Variants in CACNA2D1 observed in about 807,000 individuals in gnomAD.
CACNA2D1 encodes the protein voltage-dependent calcium channel subunit alpha-2/delta-1.
A neutral mutation model predicts 171.5 loss-of-function variants in CACNA2D1; 53 were observed. The ratio of observed to expected loss-of-function variants is 0.31; its 90% confidence interval spans 0.25 to 0.39. CACNA2D1 has a LOEUF of 0.39. CACNA2D1 is among the 10% of genes least tolerant of loss of function. The probability of loss-of-function intolerance (pLI) is 1.00; values close to 1 mark genes in which losing one functional copy is unlikely to be tolerated. For missense variants in CACNA2D1, 903 were observed against 1,299.8 expected (o/e 0.69, Z 4.69); for synonymous variants, 442 against 443.1 (o/e 1.00, Z 0.03).
At chr7:82,054,992 A>G (rs745349326) in intron 10 of CACNA2D1, among the ~76,000 whole-genome samples, 1 of 152,232 alleles carries the variant, frequency 6.6e-6, no homozygotes, top group Admixed American at 6.5e-5. Context: ...TAAGAAAGCC[A>G]GAAAACCTGT....
chr7:82,062,535 G>A (rs1048147376), intron 9 of CACNA2D1, among the ~76,000 whole-genome samples: 1 of 147,860 alleles, frequency 6.8e-6, no homozygotes, highest in Non-Finnish European at 1.5e-5. Context: ...AATTATTTTT[G>A]TTATTTGTTA....
intron 3 of CACNA2D1, among the ~76,000 whole-genome samples, chr7:82,298,155 C>A (rs1812535362): frequency 6.6e-6 from 1 of 152,090 alleles, no homozygotes; most frequent in South Asian, 2.1e-4. Flanking sequence ...TTAAAATGCT[C>A]CAGTAGCAAA....
At chr7:82,064,542 TAAC>T (rs1322550794) in intron 8 of CACNA2D1, among the ~76,000 whole-genome samples, 188 bp from the exon 9 acceptor site, 1 of 152,120 alleles carries the variant, frequency 6.6e-6, no homozygotes, top group Non-Finnish European at 1.5e-5. Context: ...ATATCCAATA[TAAC>T]AATAGAGATG....
chr7:82,111,687 G>A (rs1368445213), intron 6 of CACNA2D1, among the ~76,000 whole-genome samples: 3 of 151,514 alleles, frequency 2.0e-5, no homozygotes, highest in African/African-American at 7.3e-5. Context: ...GGGCTCAATC[G>A]ATCCGCCCAC....
chr7:82,294,357 T>C (rs1425455706), intron 3 of CACNA2D1, among the ~76,000 whole-genome samples: 1 of 152,114 alleles, frequency 6.6e-6, no homozygotes, highest in Non-Finnish European at 1.5e-5. Flanking sequence ...AACTTGATAT[T>C]AGGCTCCTTT....
chr7:82,327,998 C>T (rs182929088), intron 3 of CACNA2D1, among the ~76,000 whole-genome samples: 371 of 152,220 alleles, frequency 2.4e-3, no homozygotes, highest in Non-Finnish European at 4.5e-3. Flanking sequence ...CCTGTTGGGT[C>T]CTATCTGAGA....
intron 2 of CACNA2D1, among the ~76,000 whole-genome samples, chr7:82,341,811 G>A (rs868607667): frequency 6.6e-6 from 1 of 151,896 alleles, no homozygotes; most frequent in African/African-American, 2.4e-5. Flanking sequence ...ACTTTGGGAG[G>A]CCGAGGTGGG....
In CACNA2D1 at chr7:82,206,173, G is replaced by A. The variant is rs1384093012; in HGVS notation, c.295-35564C>T. ...AATTAAATCCTGAACTATTATTTCT[G>A]AAATCAAATTTACAAGCTCAGTGTG... On this transcript the variant is annotated intron_variant, in intron 3 of 38. Coordinates refer to ENST00000356860, the MANE Select transcript of CACNA2D1 (RefSeq NM_000722.4). Among the ~76,000 whole-genome samples, 4 of 151,770 alleles carry A rather than the reference G, an allele frequency of 2.6e-5. No individual in the cohort carries two copies. In the East Asian group the frequency reaches 5.8e-4, roughly 22 times the overall value.
intron 10 of CACNA2D1, among the ~76,000 whole-genome samples, chr7:82,043,350 A>C (rs1584518530): frequency 6.6e-6 from 1 of 152,294 alleles, no homozygotes. Flanking sequence ...TGTTTTAAAA[A>C]TTATTTTAGT....
intron 4 of CACNA2D1, among the ~76,000 whole-genome samples, chr7:82,145,298 TA>T (rs1792864214): frequency 6.9e-6 from 1 of 144,868 alleles, no homozygotes; most frequent in African/African-American, 2.5e-5. Context: ...TAAAAATATA[TA>T]AATTATGTAA....
At chr7:82,260,065 T>C (rs990354360) in intron 3 of CACNA2D1, among the ~76,000 whole-genome samples, 6 of 151,934 alleles carry the variant, frequency 3.9e-5, no homozygotes, top group African/African-American at 1.2e-4. Flanking sequence ...CTACTAAAAA[T>C]ACACAAATTA....
intron 2 of CACNA2D1, among the ~76,000 whole-genome samples, chr7:82,341,848 C>T (rs1191132369): frequency 6.6e-6 from 1 of 151,378 alleles, no homozygotes; most frequent in African/African-American, 2.4e-5. Flanking sequence ...GAGATCCAGA[C>T]CATCCTGGCT....
intron 10 of CACNA2D1, among the ~76,000 whole-genome samples, chr7:82,049,126 T>TAAAAAA (rs10652736): frequency 7.2e-6 from 1 of 139,018 alleles, no homozygotes; most frequent in African/African-American, 2.6e-5. Context: ...TGGCAACTCA[T>TAAAAAA]AAAAAAAAAA....
chr7:82,111,453 T>A lies in CACNA2D1; in HGVS notation c.526+5591A>T, dbSNP rs1287562307. On this transcript the variant is annotated intron_variant, in intron 6 of 38. Transcript: ENST00000356860. ...GTATATATATATATATATTTTTTTT[T>A]TTTTTTTTTTTTGAGACAGGGTCTC... Among the ~76,000 whole-genome samples the A allele has an allele frequency of 3.8e-3, 531 of 139,144 alleles. 20 individuals are homozygous for A. The highest frequency in any genetic ancestry group is 0.013 in the African/African-American group (503 of 37,384). The allele number at this position is 139,144 out of a possible 152,430, so 91.3% of individuals were successfully genotyped here. A position where few individuals can be genotyped will look rare whatever the true frequency, so the allele number is the denominator to read the frequency against.
intron 1 of CACNA2D1, among the ~76,000 whole-genome samples, chr7:82,431,871 C>T (rs573923417): frequency 4.6e-5 from 7 of 151,472 alleles, no homozygotes; most frequent in Non-Finnish European, 1.0e-4. Context: ...AACCCTATCT[C>T]TACTAAAAAT....
chr7:82,013,785 A>G (rs960131063), intron 13 of CACNA2D1, among the ~76,000 whole-genome samples: 1 of 151,750 alleles, frequency 6.6e-6, no homozygotes, highest in Non-Finnish European at 1.5e-5. Context: ...CATTAAAAAT[A>G]TTTTTTCATT....
intron 3 of CACNA2D1, among the ~76,000 whole-genome samples, chr7:82,196,106 C>G (rs1199128597): frequency 6.6e-6 from 1 of 152,046 alleles, no homozygotes; most frequent in African/African-American, 2.4e-5. Flanking sequence ...CCCCTACCCA[C>G]AGCCAACCAA....
chr7:82,292,092 T>C (rs915652180), intron 3 of CACNA2D1, among the ~76,000 whole-genome samples: 1 of 152,102 alleles, frequency 6.6e-6, no homozygotes, highest in Non-Finnish European at 1.5e-5. Context: ...AGTGCTGACA[T>C]AATTATGATA....
At chr7:82,095,571 G>T (rs1034361515) in intron 6 of CACNA2D1, among the ~76,000 whole-genome samples, 1 of 152,130 alleles carries the variant, frequency 6.6e-6, no homozygotes, top group Admixed American at 6.5e-5. Context: ...ACAATAGCTA[G>T]GGTTGTGAAA....
Sources: gnomAD v4.1 joint callset for allele counts (sites outside exome capture counted in the v4.1 genomes callset) on GRCh38, gnomAD v4.1.1 for gene constraint, MANE v1.5 for transcripts, NCBI Gene and HGNC (gene_info 2026-07-23, HGNC 2026-07-21) for gene names.